COL6A6: variants seen among roughly 807,000 people sequenced by gnomAD.
The protein encoded by COL6A6 is collagen alpha-6(VI) chain.
Under a neutral mutation model 208.6 loss-of-function variants are expected in COL6A6, and 183 were observed. The observed-to-expected ratio is 0.88, with a 90% confidence interval of 0.78 to 0.99. COL6A6 has a LOEUF of 0.99. Ranked by LOEUF, COL6A6 falls within the 50% of genes least tolerant of loss-of-function variation. The pLI is 0.00. For missense variants in COL6A6, 2,816 were observed against 2,815.2 expected, an observed-to-expected ratio of 1.00 and a Z score of -0.01; for synonymous variants, 973 against 1,011.8, an observed-to-expected ratio of 0.96 and a Z score of 0.73.
At chr3:130,641,150 G>C (rs2065294462) in intron 28 of COL6A6, among the ~76,000 whole-genome samples, 1 of 152,102 alleles carries the variant, frequency 6.6e-6, no homozygotes, top group East Asian at 1.9e-4. Flanking sequence ...TGTCCTGGTG[G>C]GTGGGGGTCC....
chr3:130,534,163 C>T (rs1156531851), intron 1 of COL6A6, among the ~76,000 whole-genome samples: 2 of 152,138 alleles, frequency 1.3e-5, no homozygotes, highest in Non-Finnish European at 2.9e-5. Flanking sequence ...TCTAACTTCC[C>T]TACATCCTTG....
At chr3:130,602,268 GT>G (rs1180148430) in intron 20 of COL6A6, among the ~76,000 whole-genome samples, 1 of 152,216 alleles carries the variant, frequency 6.6e-6, no homozygotes, top group African/African-American at 2.4e-5. Context: ...ATGAGAAAGT[GT>G]TTGAGGCAAC....
chr3:130,641,756 TAAA>T (rs746800180), intron 29 of COL6A6, 42 bp downstream of exon 29: 26 of 985,982 alleles, frequency 2.6e-5, no homozygotes, highest in South Asian at 8.9e-5. Flanking sequence ...CCTTTTCCAT[TAAA>T]AAAAAAAAAG....
In COL6A6 at chr3:130,566,718, G is replaced by A. The variant is rs2063032417; in HGVS notation, c.1299G>A (p.Glu433=). The change falls in exon 5 of 37, where the codon GAG becomes GAA. Residue 433 remains glutamate, a synonymous_variant. Transcript: ENST00000358511. The part of the protein sequence containing the change: ...ETLKSGCVDT[E]EADIYLLIDG... ...CCTTTTTAGGTTGTGTGGACACTGAGGAAGCAGACATCTATCTGCTTATCG... is the reference window on the plus strand; with the variant it reads ...CCTTTTTAGGTTGTGTGGACACTGAAGAAGCAGACATCTATCTGCTTATCG... 5.6e-6 allele frequency: 9 copies of A among 1,607,776 alleles called. No homozygotes were observed. The highest frequency in any genetic ancestry group is 7.7e-6 in the Non-Finnish European group (9 of 1,176,114).
intron 1 of COL6A6, among the ~76,000 whole-genome samples, chr3:130,519,444 A>G (rs1710938546): frequency 1.3e-5 from 2 of 152,234 alleles, no homozygotes; most frequent in Non-Finnish European, 2.9e-5. Flanking sequence ...AGTCCTAAGA[A>G]ATAAGTAGGA....
At chr3:130,536,706 TGA>T (rs2062233674) in intron 1 of COL6A6, among the ~76,000 whole-genome samples, 1 of 152,028 alleles carries the variant, frequency 6.6e-6, no homozygotes. Context: ...GCTGGAGTGG[TGA>T]GAGAGAGGAA....
chr3:130,550,451 G>T (rs938562640), intron 1 of COL6A6, among the ~76,000 whole-genome samples: 4 of 152,096 alleles, frequency 2.6e-5, no homozygotes, highest in Non-Finnish European at 2.9e-5. Flanking sequence ...GTCATAGATG[G>T]CTCTGTGTTA....
chr3:130,604,146 T>C (rs552407758), intron 20 of COL6A6, among the ~76,000 whole-genome samples: 3 of 152,204 alleles, frequency 2.0e-5, no homozygotes, highest in Admixed American at 1.3e-4. Context: ...TTGTTTTCTG[T>C]CTCTCACAGC....
intron 8 of COL6A6, among the ~76,000 whole-genome samples, chr3:130,577,259 C>T (rs1173748007): frequency 6.6e-6 from 1 of 152,136 alleles, no homozygotes; most frequent in Non-Finnish European, 1.5e-5. Flanking sequence ...CTAGATCATA[C>T]AGGAAGTAAG....
intron 12 of COL6A6, among the ~76,000 whole-genome samples, chr3:130,590,274 TATATATATATATATATATATATATA>T (rs2063648072): frequency 2.5e-4 from 5 of 19,720 alleles, no homozygotes; most frequent in South Asian, 1.7e-3. Context: ...TATATATATA[TATATATATATATATATATATATATA>T]TTTTTTTTTT....
chr3:130,641,826 G>C (rs958539964), intron 29 of COL6A6, 112 bp downstream of exon 29: 1 of 538,304 alleles, frequency 1.9e-6, no homozygotes, highest in African/African-American at 1.9e-5. Flanking sequence ...CTGCTTCTTG[G>C]CCACTTTTTT....
At chr3:130,660,865 A>G (rs1174078823) in intron 34 of COL6A6, among the ~76,000 whole-genome samples, 1 of 152,208 alleles carries the variant, frequency 6.6e-6, no homozygotes, top group African/African-American at 2.4e-5. Flanking sequence ...TTATTTTACT[A>G]TCCTGGCCAC....
Position 130,537,184 on chromosome 3 carries a change from G to C in COL6A6, c.-32+19787G>C, listed in dbSNP as rs543038985. Among the ~76,000 whole-genome samples, 3 of 152,318 alleles carry C rather than the reference G, an allele frequency of 2.0e-5. No homozygotes were observed. In the East Asian group the frequency reaches 5.8e-4, roughly 29 times the overall value. On this transcript the variant is annotated intron_variant, in intron 1 of 36. Transcript: ENST00000358511. ...TAGATTGTCTGTTTCCCTTAACACA[G>C]TTAGGGACACTACATTCACATTTGA...
chr3:130,526,925 G>A (rs961705013), intron 1 of COL6A6, among the ~76,000 whole-genome samples: 67 of 152,178 alleles, frequency 4.4e-4, no homozygotes, highest in African/African-American at 1.6e-3. Context: ...TAAGTGAACG[G>A]ATAAATACAT....
chr3:130,563,227 T>C lies in COL6A6; in HGVS notation c.224T>C (p.Leu75Pro). Reference sequence around the variant, plus strand: ...GCCCTGGCCCAGTACAGTGATAAACTTCACAGTGAATTCCACCTGAGCACC... The same window carrying C: ...GCCCTGGCCCAGTACAGTGATAAACCTCACAGTGAATTCCACCTGAGCACC... ...RVALAQYSDK[L>P]HSEFHLSTFK... Residue 75 changes from leucine (L) to proline (P), a missense_variant, in exon 3 of 37, where the codon CTT becomes CCT. Leu to Pro is a moderately conservative substitution (Grantham distance 98). Transcript: ENST00000358511. The C allele has an allele frequency of 1.9e-6, 3 of 1,614,000 alleles. No individual in the cohort carries two copies. The highest frequency in any genetic ancestry group is 2.2e-5 in the East Asian group (1 of 44,884).
chr3:130,584,775 C>T (rs774330295), intron 10 of COL6A6, among the ~76,000 whole-genome samples: 8 of 151,820 alleles, frequency 5.3e-5, no homozygotes, highest in Non-Finnish European at 7.4e-5. Context: ...CCACCACACC[C>T]GGCTAATTTT....
At chr3:130,642,285 G>A (rs2065336924) in intron 29 of COL6A6, among the ~76,000 whole-genome samples, 1 of 125,860 alleles carries the variant, frequency 7.9e-6, no homozygotes, top group Non-Finnish European at 1.8e-5. Context: ...GTGTGTGTGT[G>A]TATTTTTTGT....
Position 130,675,464 on chromosome 3 carries a change from C to A in COL6A6, c.*67C>A. 1 of 1,209,378 alleles carries A rather than the reference C, an allele frequency of 8.3e-7. No homozygotes were observed. The highest frequency in any genetic ancestry group is 1.1e-6 in the Non-Finnish European group (1 of 879,818). The allele number at this position is 1,209,378 out of a possible 1,614,324, so 74.9% of individuals were successfully genotyped here. On this transcript the variant is annotated 3_prime_UTR_variant, in exon 37 of 37. Transcript: ENST00000358511. ...CTCTGGACTTAAATAGTAACTAAATCTGCTGCCAGAACTCAAGCAACAGTT... is the reference window on the plus strand; with the variant it reads ...CTCTGGACTTAAATAGTAACTAAATATGCTGCCAGAACTCAAGCAACAGTT...
At position 130,670,747 on chromosome 3, in the gene COL6A6, C is replaced by T. The variant is rs566229051; in HGVS notation, c.6597-4455C>T. Among the ~76,000 whole-genome samples the T allele has an allele frequency of 3.4e-3, 521 of 152,344 alleles. 3 individuals carry two copies. The highest frequency in any genetic ancestry group is 0.012 in the African/African-American group (500 of 41,578). Reference sequence around the variant, plus strand: ...CACCCAGCATGTCCCAGCAAAGAGGCTGCAACACTCTAGAGCAAGTCTGTC... The same window carrying T: ...CACCCAGCATGTCCCAGCAAAGAGGTTGCAACACTCTAGAGCAAGTCTGTC... On this transcript the variant is annotated intron_variant, in intron 36 of 36. Transcript: ENST00000358511.
Sources: allele counts gnomAD v4.1 joint callset (sites outside exome capture counted in the v4.1 genomes callset), GRCh38; gene constraint gnomAD v4.1.1; transcripts MANE v1.5; gene names NCBI Gene and HGNC (gene_info 2026-07-23, HGNC 2026-07-21).